The following STAT6 variants were observed in gnomAD, a reference collection of about 807,000 sequenced individuals.
The protein encoded by STAT6 is STAT, interleukin4-induced.
In STAT6, 45 loss-of-function variants were observed where a neutral mutation model predicts 106.3. The ratio of observed to expected loss-of-function variants is 0.42; its 90% CI spans 0.33 to 0.54. The LOEUF (loss-of-function observed/expected upper bound fraction) is 0.54, where lower values mean the gene tolerates loss of function less well. Among genes scored for constraint, STAT6 ranks in the 20% least tolerant of loss-of-function variants. The probability of loss-of-function intolerance (pLI) is 0.06; values close to 1 mark genes in which losing one functional copy is unlikely to be tolerated. For synonymous variants in STAT6, 413 were observed against 413.6 expected (o/e 1.00, Z 0.02); for missense variants, 797 against 1,062.2 (o/e 0.75, Z 3.47).
In STAT6 at chr12:57,104,497, T is replaced by C. The variant is rs1392196646; in HGVS notation, c.1179A>G (p.Thr393=). 6.2e-7 allele frequency: 1 copy of C among 1,612,284 alleles called. No homozygotes were observed. Among genetic ancestry groups the C allele is most frequent in the South Asian group, 1.1e-5 (1 of 90,616 alleles). ...KCAVLFSASF[T]LGPGKLPIQL... Reference sequence around the variant, plus strand: ...GGATGGGGAGTTTGCCGGGGCCAAGTGTGAAGCTGGCAGAGAAGAGCACAG... The same window carrying C: ...GGATGGGGAGTTTGCCGGGGCCAAGCGTGAAGCTGGCAGAGAAGAGCACAG... The change falls in exon 11 of 22, where the codon ACA becomes ACG. Residue 393 remains threonine (T), a synonymous_variant. Coordinates refer to ENST00000300134, the MANE Select transcript of STAT6 (RefSeq NM_003153.5).
In STAT6 at chr12:57,105,488, G is replaced by A. The variant is rs1477852522; in HGVS notation, c.792C>T (p.Val264=). Residue 264 remains valine, a synonymous_variant, in exon 8 of 22, where the codon GTC becomes GTT. Coordinates refer to ENST00000300134, the MANE Select transcript of STAT6 (RefSeq NM_003153.5). ...RASLTGRLDE[V]LRTLVTSCFL... is the part of the protein sequence containing the mutation. The stretch of plus-strand genomic sequence containing the variant: ...AATACCTGGTGACGAGGGTTCTCAG[G>A]ACTTCATCCAGCCGGCCAGTCAGCG... The A allele has an allele frequency of 6.2e-7, 1 of 1,613,956 alleles. No individual in the cohort carries two copies. Among genetic ancestry groups the A allele is most frequent in the Non-Finnish European group, 8.5e-7 (1 of 1,179,988 alleles).
chr12:57,097,029 G>C (rs371306659), intron 20 of STAT6, 39 bp downstream of exon 20: 1 of 1,596,226 alleles, frequency 6.3e-7, no homozygotes, highest in African/African-American at 1.3e-5. Context: ...GGCCAGGAAA[G>C]AAGAGGCACA....
chr12:57,103,204 A>G (rs909559680), intron 11 of STAT6: 15 of 244,308 alleles, frequency 6.1e-5, no homozygotes, highest in Non-Finnish European at 1.2e-4. Context: ...TCGCTCTGTC[A>G]CTCAGGCTGG....
intron 9 of STAT6, 77 bp from the exon 10 acceptor site, chr12:57,104,890 C>T (rs559501502): frequency 8.8e-5 from 130 of 1,484,100 alleles, no homozygotes; most frequent in African/African-American, 1.4e-5. Context: ...TGAGTGTAGA[C>T]TACCCACTGT....
At position 57,106,791 on chromosome 12, in the gene STAT6, T is replaced by C; in HGVS notation, c.380A>G (p.Glu127Gly). The change falls in exon 5 of 22, where the codon GAA (glutamate) becomes GGA (glycine). Residue 127 changes from glutamate (E) to glycine (G), a missense_variant. Around this residue, in one of 4 missense-constraint regions of STAT6, gnomAD observed 336 missense variants for 429.8 expected, o/e 0.78. Transcript: ENST00000300134. ...CCGCAAGCCTGTCTTAAACTTGAGT[T>C]CTTCCTGCTTCCAGTGGAAAGGCAT... ...LPMPFHWKQE[E>G]LKFKTGLRRL... The C allele has an allele frequency of 6.2e-7, 1 of 1,614,162 alleles. No homozygotes were observed.
rs1827277164 is a variant in STAT6, at chr12:57,099,154, G to A, written c.1892-76C>T. 1.4e-5 allele frequency: 22 copies of A among 1,600,156 alleles called. 1 individual carries two copies. In the South Asian group the frequency reaches 2.2e-4, roughly 16 times the overall value. ...AAGGGAGGTGGAAAAGGTGGGCATG[G>A]ATCATGGGGAAGTAAGAGAAGCACA... On this transcript the variant is annotated intron_variant, in intron 16 of 21. Transcript: ENST00000300134. The surrounding 1 kb of genome is among the most constrained non-coding windows in gnomAD (Gnocchi z 4.7).
intron 19 of STAT6, 91 bp from the exon 20 acceptor site, chr12:57,097,224 C>G: frequency 9.3e-7 from 1 of 1,072,990 alleles, no homozygotes; most frequent in Non-Finnish European, 1.3e-6. Context: ...GAAACAAGCT[C>G]CAGCTCCTTA....
At chr12:57,100,222 A>G in intron 13 of STAT6, 132 bp from the exon 14 acceptor site, 1 of 728,680 alleles carries the variant, frequency 1.4e-6, no homozygotes, top group Non-Finnish European at 2.4e-6. Context: ...CTGAGACTCC[A>G]TCAATGACAA....
At chr12:57,098,935 C>T in intron 17 of STAT6, 33 bp from the exon 18 acceptor site, 1 of 1,612,046 alleles carries the variant, frequency 6.2e-7, no homozygotes, top group Non-Finnish European at 8.5e-7. Context: ...TGTGACTGAC[C>T]AAGGGTTGAT....
Position 57,099,590 on chromosome 12 carries a change from G to A in STAT6, c.1745-150C>T, listed in dbSNP as rs746561163. 1.3e-5 allele frequency: 18 copies of A among 1,377,764 alleles called. No individual in the cohort carries two copies. Among genetic ancestry groups the A allele is most frequent in the South Asian group, 6.8e-5 (5 of 74,046 alleles). 85.3% of individuals were successfully genotyped at this position (1,377,764 alleles called of 1,614,324 possible). A position where few individuals can be genotyped will look rare whatever the true frequency, so the allele number is the denominator to read the frequency against. Reference sequence around the variant, plus strand: ...GAGGGAGAGAGACCCACTAGTCTCCGTTCCCACAGAGCTCACAGTGAGAAG... The same window carrying A: ...GAGGGAGAGAGACCCACTAGTCTCCATTCCCACAGAGCTCACAGTGAGAAG... On this transcript the variant is annotated intron_variant, in intron 15 of 21. Coordinates refer to ENST00000300134, the MANE Select transcript of STAT6 (RefSeq NM_003153.5). The surrounding 1 kb of genome is among the most constrained non-coding windows in gnomAD (Gnocchi z 4.7).
intron 8 of STAT6, 49 bp downstream of exon 8, chr12:57,105,419 T>G: frequency 3.1e-6 from 5 of 1,609,482 alleles, no homozygotes; most frequent in Middle Eastern, 1.7e-4. Flanking sequence ...CCCCCTTCTT[T>G]TCTTCCCGAG....
Position 57,096,639 on chromosome 12 carries a change from G to A in STAT6, c.2477C>T (p.Pro826Leu), listed in dbSNP as rs777599110. The A allele has an allele frequency of 2.1e-5, 33 of 1,608,278 alleles. No individual in the cohort carries two copies. The South Asian group carries it at 3.4e-4, about 17-fold the overall frequency. ...GSLGAQPLLQ[P>L]SHYGQSGISM... ...GATCCCAGATTGCCCATAGTGGGAGGGCTGCAGGAGGGGCTGTGCCCCCAA... is the reference window on the plus strand; with the variant it reads ...GATCCCAGATTGCCCATAGTGGGAGAGCTGCAGGAGGGGCTGTGCCCCCAA... The change falls in exon 22 of 22, where the codon CCC becomes CTC. Residue 826 changes from proline (P) to leucine (L), a missense_variant. Around this residue, in one of 4 missense-constraint regions of STAT6, gnomAD observed 226 missense variants for 236.7 expected, o/e 0.95. Transcript: ENST00000300134.
Position 57,099,352 on chromosome 12 carries a change from C to T in STAT6, c.1833G>A (p.Gln611=). ...GCTTCTTGGGATAGAGATTTTTGAG[C>T]TGAGCAAGATCCCGGATTCGGTCCC... ...SLGDRIRDLA[Q]LKNLYPKKPK... is the part of the protein sequence containing the mutation. The change falls in exon 16 of 22, where the codon CAG becomes CAA. Residue 611 remains glutamine (Q), a synonymous_variant. Transcript: ENST00000300134. The surrounding 1 kb of genome is among the most constrained non-coding windows in gnomAD (Gnocchi z 4.7). The T allele has an allele frequency of 1.2e-6, 2 of 1,614,182 alleles. No individual in the cohort carries two copies. Among genetic ancestry groups the T allele is most frequent in the Non-Finnish European group, 1.7e-6 (2 of 1,180,020 alleles).
chr12:57,105,963 A>G, intron 7 of STAT6: 1 of 705,002 alleles, frequency 1.4e-6, no homozygotes, highest in Non-Finnish European at 2.3e-6. Flanking sequence ...GCTTGAGGAG[A>G]GAAGCCTGGG....
rs977082667 is a variant in STAT6 at position 57,097,356 on chromosome 12, AC to A, written c.2160-224del. The A allele has an allele frequency of 1.3e-4, 49 of 383,730 alleles. 1 individual carries two copies. Among genetic ancestry groups the A allele is most frequent in the African/African-American group, 1.0e-3 (48 of 48,158 alleles). The allele number at this position is 383,730 out of a possible 1,614,324, so 23.8% of individuals were successfully genotyped here. A position where few individuals can be genotyped will look rare whatever the true frequency, so the allele number is the denominator to read the frequency against. On this transcript the variant is annotated intron_variant, in intron 19 of 21. Transcript: ENST00000300134. Reference sequence around the variant, plus strand: ...TTTCTAATGTTTCTTTGGACTCTGAACTTTGGTAGTTCTTAAGTCCCCAAGT... The same window carrying A: ...TTTCTAATGTTTCTTTGGACTCTGAATTTGGTAGTTCTTAAGTCCCCAAGT...
rs368476472 is a variant in STAT6 at position 57,096,533 on chromosome 12, T to C, written c.*39A>G. 8.5e-6 allele frequency: 13 copies of C among 1,535,152 alleles called. No individual in the cohort carries two copies. The East Asian group carries it at 9.1e-5, about 11-fold the overall frequency. ...GTCCAGAGCAGGTCTGTGGGGGTAGTAGAAGAGCTGTCTCTTTGGGTTCTC... is the reference window on the plus strand; with the variant it reads ...GTCCAGAGCAGGTCTGTGGGGGTAGCAGAAGAGCTGTCTCTTTGGGTTCTC... On this transcript the variant is annotated 3_prime_UTR_variant, in exon 22 of 22. Coordinates refer to ENST00000300134, the MANE Select transcript of STAT6 (RefSeq NM_003153.5).
rs745351356 is a variant in STAT6 at position 57,104,794 on chromosome 12, T to A, written c.1021A>T (p.Ile341Phe). The change falls in exon 10 of 22, where the codon ATC becomes TTC. Residue 341 changes from isoleucine (I) to phenylalanine (F), a missense_variant. Around this residue, in one of 4 missense-constraint regions of STAT6, gnomAD observed 336 missense variants for 429.8 expected, o/e 0.78. Coordinates refer to ENST00000300134, the MANE Select transcript of STAT6 (RefSeq NM_003153.5). Reference protein sequence around the residue: ...GAGAESTGEIINNTVPLENSI... With the variant: ...GAGAESTGEIFNNTVPLENSI... ...TTCTCCAAGGGCACAGTGTTGTTGA[T>A]GATTTCTCCAGTGCTTTCTCTGCCA... 1 of 1,614,150 alleles carries A rather than the reference T, an allele frequency of 6.2e-7. No homozygotes were observed. Among genetic ancestry groups the A allele is most frequent in the Non-Finnish European group, 8.5e-7 (1 of 1,180,018 alleles).
At chr12:57,105,656 G>T in intron 7 of STAT6, 57 bp from the exon 8 acceptor site, 1 of 1,582,040 alleles carries the variant, frequency 6.3e-7, no homozygotes, top group Non-Finnish European at 8.6e-7. Context: ...CTCCGGCCCA[G>T]ACCCCCTTCC....
Position 57,097,094 on chromosome 12 carries a change from G to C in STAT6, c.2199C>G (p.Ser733Arg). The stretch of plus-strand genomic sequence containing the variant: ...GGGGGTGAGGCTGGTCAAAGGGCAG[G>C]CTCATCTGGCCCAGGCTGGGGGGCA... ...LQMPPSLGQM[S>R]LPFDQPHPQG... Residue 733 changes from serine (S) to arginine (R), a missense_variant, in exon 20 of 22, where the codon AGC becomes AGG. This residue lies in a region of STAT6 where 226 missense variants were observed against 236.7 expected (regional missense o/e 0.95). Coordinates refer to ENST00000300134, the MANE Select transcript of STAT6 (RefSeq NM_003153.5). The C allele has an allele frequency of 6.5e-7, 1 of 1,531,498 alleles. No individual in the cohort carries two copies. Among genetic ancestry groups the C allele is most frequent in the Non-Finnish European group, 8.8e-7 (1 of 1,139,258 alleles). The allele number at this position is 1,531,498 out of a possible 1,614,324, so 94.9% of individuals were successfully genotyped here.
Sources: allele counts gnomAD v4.1 joint callset, GRCh38; gene constraint gnomAD v4.1.1; regional missense constraint gnomAD v4.1.1; non-coding constraint Gnocchi (gnomAD v3.1); transcripts MANE v1.5; gene names NCBI Gene and HGNC (gene_info 2026-07-23, HGNC 2026-07-21).